The following PLCB4 variants were observed in gnomAD, a reference collection of about 807,000 sequenced individuals.
PLCB4 encodes phospholipase C beta 4.
A neutral mutation model predicts 178.8 loss-of-function variants in PLCB4; 77 were observed. The ratio of observed to expected loss-of-function variants is 0.43; its 90% CI spans 0.36 to 0.52. The LOEUF (loss-of-function observed/expected upper bound fraction) is 0.52. PLCB4 is among the 20% of genes least tolerant of loss of function. The probability of loss-of-function intolerance (pLI) is 0.00; values close to 1 mark genes in which losing one functional copy is unlikely to be tolerated. For synonymous variants in PLCB4, 496 were observed against 490.8 expected (o/e 1.01, Z -0.14); for missense variants, 1,024 against 1,453.4 (o/e 0.70, Z 4.80).
chr20:9,291,611 G>A (rs1340137257), intron 3 of PLCB4, among the ~76,000 whole-genome samples: 2 of 152,116 alleles, frequency 1.3e-5, no homozygotes, highest in African/African-American at 4.8e-5. Flanking sequence ...CGAATTCCAT[G>A]TGATTTTTTT....
intron 7 of PLCB4, among the ~76,000 whole-genome samples, chr20:9,350,974 CA>C (rs1265413238): frequency 2.0e-5 from 3 of 152,140 alleles, no homozygotes; most frequent in Admixed American, 2.0e-4. Context: ...GTTTTAAGAT[CA>C]TTATCTGTGG....
At chr20:9,097,475 C>T (rs2090962798) in intron 2 of PLCB4, among the ~76,000 whole-genome samples, 2 of 151,946 alleles carry the variant, frequency 1.3e-5, no homozygotes, top group South Asian at 4.2e-4. Flanking sequence ...TCACAGTGGT[C>T]AAATCTGACC....
rs74409789 is a variant in PLCB4 at position 9,208,327 on chromosome 20, A to G, written c.-78-9063A>G. The stretch of plus-strand genomic sequence containing the variant: ...GTTTGATGAGATATAATGAGTTAAT[A>G]TACATAAAACACTGAGAGTGGTACC... On this transcript the variant is annotated intron_variant, in intron 2 of 39. Transcript: ENST00000378473. Among the ~76,000 whole-genome samples, 35 of 152,324 alleles carry G rather than the reference A, an allele frequency of 2.3e-4. No homozygotes were observed. In the East Asian group the frequency reaches 5.4e-3, roughly 24 times the overall value.
intron 3 of PLCB4, among the ~76,000 whole-genome samples, chr20:9,271,832 A>T (rs1446119180): frequency 6.6e-6 from 1 of 151,944 alleles, no homozygotes; most frequent in Non-Finnish European, 1.5e-5. Context: ...TGGGGCTTTT[A>T]GGGTTGTGCT....
At chr20:9,435,253 G>A (rs1179113086) in intron 28 of PLCB4, among the ~76,000 whole-genome samples, 1 of 152,236 alleles carries the variant, frequency 6.6e-6, no homozygotes, top group African/African-American at 2.4e-5. Flanking sequence ...CACAAGTGAA[G>A]AAACAGTCTA....
At chr20:9,335,897 C>A (rs1420092014) in intron 4 of PLCB4, among the ~76,000 whole-genome samples, 2 of 152,160 alleles carry the variant, frequency 1.3e-5, no homozygotes, top group East Asian at 1.9e-4. Context: ...CAGAAAACTA[C>A]CCAAATTGAA....
intron 2 of PLCB4, among the ~76,000 whole-genome samples, chr20:9,154,905 CTCCTTCCTTCCT>C (rs771256316): frequency 0.013 from 799 of 62,404 alleles, 7 homozygotes; most frequent in African/African-American, 0.023. Context: ...CCCTCCTTCC[CTCCTTCCTTCCT>C]TCCTTCCTTC....
chr20:9,444,209 A>G lies in PLCB4; in HGVS notation c.2846A>G (p.Lys949Arg), dbSNP rs1212757728. The G allele has an allele frequency of 3.7e-6, 6 of 1,604,826 alleles. No individual in the cohort carries two copies. The highest frequency in any genetic ancestry group is 1.3e-5 in the African/African-American group (1 of 74,688). Reference protein sequence around the residue: ...AYLKHLKKQQKELNSLKKKHA... With the variant: ...AYLKHLKKQQRELNSLKKKHA... ...TTGAAGCATTTAAAGAAACAGCAGA[A>G]GGAGCTAAATTCTTTAAAGAAGAAA... The change falls in exon 32 of 40, where the codon AAG becomes AGG. Residue 949 changes from lysine (K) to arginine (R), a missense_variant. Around this residue, in one of 7 missense-constraint regions of PLCB4, gnomAD observed 227 missense variants for 374.3 expected, o/e 0.61. Coordinates refer to ENST00000378473, the MANE Select transcript of PLCB4 (RefSeq NM_001377142.1).
chr20:9,323,043 A>C (rs1185718250), intron 4 of PLCB4, among the ~76,000 whole-genome samples: 1 of 152,230 alleles, frequency 6.6e-6, no homozygotes, highest in African/African-American at 2.4e-5. Context: ...CTTTTGGTTT[A>C]AACCTTTAAT....
chr20:9,287,355 C>G (rs2142976), intron 3 of PLCB4, among the ~76,000 whole-genome samples: 143,287 of 152,084 alleles, frequency 0.94, 67,590 homozygotes, highest in East Asian at 1. Context: ...AACTGAATTT[C>G]TCTTAAAATA....
chr20:9,329,445 G>A (rs144058021), intron 4 of PLCB4, among the ~76,000 whole-genome samples: 45 of 152,250 alleles, frequency 3.0e-4, no homozygotes, highest in African/African-American at 7.9e-4. Context: ...TACTTAGAGC[G>A]TTGCCTGGCT....
chr20:9,243,168 T>C (rs766273425), intron 3 of PLCB4, among the ~76,000 whole-genome samples: 2 of 152,116 alleles, frequency 1.3e-5, no homozygotes, highest in Non-Finnish European at 2.9e-5. Flanking sequence ...GAAAGAGGTA[T>C]AGAAAAACTG....
intron 19 of PLCB4, among the ~76,000 whole-genome samples, chr20:9,400,051 C>G (rs961733937): frequency 4.6e-5 from 7 of 152,096 alleles, no homozygotes; most frequent in African/African-American, 1.7e-4. Context: ...ATTCCATTTC[C>G]TCAAATCCTT....
chr20:9,183,450 G>A (rs530436470), intron 2 of PLCB4, among the ~76,000 whole-genome samples: 10 of 152,250 alleles, frequency 6.6e-5, no homozygotes, highest in African/African-American at 1.9e-4. Flanking sequence ...CACAGAGGAC[G>A]TAGAAATTTT....
At chr20:9,366,040 T>C (rs545074892) in intron 9 of PLCB4, among the ~76,000 whole-genome samples, 8 of 152,088 alleles carry the variant, frequency 5.3e-5, no homozygotes, top group Non-Finnish European at 1.0e-4. Flanking sequence ...CACCACACAC[T>C]CTGTGGAGCT....
At chr20:9,255,480 CT>C (rs559603931) in intron 3 of PLCB4, among the ~76,000 whole-genome samples, 10 of 135,364 alleles carry the variant, frequency 7.4e-5, no homozygotes, top group East Asian at 4.4e-4. Flanking sequence ...GGTCTTCAGT[CT>C]TTTTTTTTTC....
chr20:9,309,051 A>T (rs2094801663), intron 4 of PLCB4, among the ~76,000 whole-genome samples: 1 of 152,030 alleles, frequency 6.6e-6, no homozygotes, highest in African/African-American at 2.4e-5. Flanking sequence ...TCATAGAGTA[A>T]TATTTTTAAA....
At chr20:9,383,165 T>C (rs529354464) in intron 13 of PLCB4, among the ~76,000 whole-genome samples, 1 of 152,304 alleles carries the variant, frequency 6.6e-6, no homozygotes, top group Non-Finnish European at 1.5e-5. Flanking sequence ...TAAATGCATA[T>C]GTAGTAAGGT....
intron 3 of PLCB4, among the ~76,000 whole-genome samples, chr20:9,255,128 T>C (rs1477773325): frequency 1.3e-5 from 2 of 152,250 alleles, no homozygotes; most frequent in Non-Finnish European, 2.9e-5. Context: ...ATGGATGTGT[T>C]GTACCTTGCC....
Sources: gnomAD v4.1 joint callset for allele counts (sites outside exome capture counted in the v4.1 genomes callset) on GRCh38, gnomAD v4.1.1 for gene constraint, gnomAD v4.1.1 regional missense constraint, MANE v1.5 for transcripts, NCBI Gene and HGNC (gene_info 2026-07-23, HGNC 2026-07-21) for gene names.